Variants in RBL1 observed in about 807,000 individuals in gnomAD.
The protein encoded by RBL1 is retinoblastoma-like protein 1.
RBL1 carries 82 observed loss-of-function variants against 123.0 expected under a neutral mutation model. The ratio of observed to expected loss-of-function variants is 0.67; its 90% CI spans 0.56 to 0.80. The LOEUF (loss-of-function observed/expected upper bound fraction) is 0.80, where lower values mean the gene tolerates loss of function less well. RBL1 is among the 30% of genes least tolerant of loss of function. The pLI, the probability that RBL1 is intolerant of heterozygous loss-of-function variation, is 0.00. For missense variants in RBL1, 1,171 were observed against 1,299.6 expected, an observed-to-expected ratio of 0.90 and a Z score of 1.52; for synonymous variants, 405 against 441.3, an observed-to-expected ratio of 0.92 and a Z score of 1.03.
intron 9 of RBL1, among the ~76,000 whole-genome samples, chr20:37,060,312 G>A (rs1600552943): frequency 6.6e-6 from 1 of 151,924 alleles, no homozygotes; most frequent in East Asian, 1.9e-4. Flanking sequence ...TTATACAGGT[G>A]ATCTTTAGAA....
intron 12 of RBL1, among the ~76,000 whole-genome samples, chr20:37,046,665 T>C (rs1206781040): frequency 6.6e-6 from 1 of 151,576 alleles, no homozygotes; most frequent in Non-Finnish European, 1.5e-5. Context: ...TGGAGTGTAA[T>C]TGTATGATCT....
Position 37,018,208 on chromosome 20 carries a change from G to T in RBL1, c.2722+71C>A, listed in dbSNP as rs2064287241. 17 of 1,412,526 alleles carry T rather than the reference G, an allele frequency of 1.2e-5. No individual in the cohort carries two copies. In the South Asian group the frequency reaches 2.8e-4, roughly 23 times the overall value. 87.5% of individuals were successfully genotyped at this position (1,412,526 alleles called of 1,614,324 possible). A position where few individuals can be genotyped will look rare whatever the true frequency, so the allele number is the denominator to read the frequency against. Reference sequence around the variant, plus strand: ...TATGATTCACATTTCCATGTTGTCTGACACCCACTGTATTATGTACAGTGT... The same window carrying T: ...TATGATTCACATTTCCATGTTGTCTTACACCCACTGTATTATGTACAGTGT... On this transcript the variant is annotated intron_variant, in intron 19 of 21. Coordinates refer to ENST00000373664, the MANE Select transcript of RBL1 (RefSeq NM_002895.5).
Position 37,067,239 on chromosome 20 carries a change from T to G in RBL1, c.550A>C (p.Thr184Pro), listed in dbSNP as rs1219513623. ...ACTGAAAGTGTCATCTTACCCTTAGTATAAACAAAAAGTGTCCAACAGAAA... is the reference window on the plus strand; with the variant it reads ...ACTGAAAGTGTCATCTTACCCTTAGGATAAACAAAAAGTGTCCAACAGAAA... The part of the protein sequence containing the change: ...FNFCWTLFVY[T>P]KGNFRMIGDD... Residue 184 changes from threonine to proline, a missense_variant, in exon 4 of 22, where the codon ACT becomes CCT. Thr to Pro is a conservative substitution (Grantham distance 38). Transcript: ENST00000373664. 6.2e-7 allele frequency: 1 copy of G among 1,604,828 alleles called. No individual in the cohort carries two copies. Among genetic ancestry groups the G allele is most frequent in the Non-Finnish European group, 8.5e-7 (1 of 1,177,166 alleles).
chr20:37,062,384 A>G, intron 7 of RBL1, 114 bp from the exon 8 acceptor site: 1 of 1,444,150 alleles, frequency 6.9e-7, no homozygotes, highest in South Asian at 1.5e-5. Context: ...TCTAATTTTT[A>G]TTAACTCTGA....
intron 17 of RBL1, 30 bp downstream of exon 17, chr20:37,022,620 C>T (rs1186887923): frequency 6.3e-7 from 1 of 1,575,904 alleles, no homozygotes; most frequent in Non-Finnish European, 8.6e-7. Flanking sequence ...AGCCACCATG[C>T]CCAGCCTCTT....
intron 14 of RBL1, among the ~76,000 whole-genome samples, chr20:37,037,901 G>C (rs530292387): frequency 6.6e-6 from 1 of 151,588 alleles, no homozygotes; most frequent in East Asian, 1.9e-4. Flanking sequence ...TGCCCGGGCT[G>C]GTCTTGAACT....
chr20:37,059,857 CA>C (rs752212706), intron 9 of RBL1, among the ~76,000 whole-genome samples: 18,119 of 145,100 alleles, frequency 0.12, 1,128 homozygotes, highest in African/African-American at 0.15. Flanking sequence ...CCTTAAAAAA[CA>C]AAAAAAAAAA....
intron 2 of RBL1, among the ~76,000 whole-genome samples, chr20:37,074,810 G>A (rs547304217): frequency 2.0e-5 from 3 of 152,268 alleles, no homozygotes; most frequent in South Asian, 4.1e-4. Flanking sequence ...GGGTGACAGA[G>A]TGAGACTCTG....
intron 3 of RBL1, among the ~76,000 whole-genome samples, chr20:37,067,777 A>G (rs1457029281): frequency 6.6e-6 from 1 of 151,080 alleles, no homozygotes; most frequent in Admixed American, 6.6e-5. Flanking sequence ...AAAAAAAAAA[A>G]AAAAAAAAAA....
chr20:37,092,856 A>G (rs923366685), intron 1 of RBL1, among the ~76,000 whole-genome samples: 1 of 152,136 alleles, frequency 6.6e-6, no homozygotes, highest in Non-Finnish European at 1.5e-5. Context: ...ATACAATTCT[A>G]TTTGATAAAA....
At chr20:37,070,419 T>C (rs1800172971) in intron 2 of RBL1, among the ~76,000 whole-genome samples, 1 of 151,786 alleles carries the variant, frequency 6.6e-6, no homozygotes. Flanking sequence ...TATTGTCCTA[T>C]GACCCTGCCA....
rs1456005088 is a variant in RBL1, at chr20:37,078,353, T to A, written c.291-10167A>T. On this transcript the variant is annotated intron_variant, in intron 2 of 21. Coordinates refer to ENST00000373664, the MANE Select transcript of RBL1 (RefSeq NM_002895.5). ...CACTAGTTTTAATATCCATTGATGA[T>A]CTTTGACTGTATCAATTATTACTAT... 3.9e-5 allele frequency among the ~76,000 whole-genome samples: 6 copies of A among 152,372 alleles called. No individual in the cohort carries two copies. The East Asian group carries it at 5.8e-4, about 15-fold the overall frequency.
intron 7 of RBL1, 48 bp downstream of exon 7, chr20:37,065,376 A>C: frequency 7.3e-7 from 1 of 1,370,734 alleles, no homozygotes. Flanking sequence ...AAATCAACAA[A>C]TATGACAGCT....
At chr20:37,005,600 A>G (rs886194645) in intron 20 of RBL1, among the ~76,000 whole-genome samples, 12 of 152,178 alleles carry the variant, frequency 7.9e-5, no homozygotes, top group Admixed American at 7.9e-4. Context: ...AAGACTTCAT[A>G]TGGAAATGGA....
At chr20:37,065,083 C>T (rs2065157958) in intron 7 of RBL1, among the ~76,000 whole-genome samples, 1 of 151,996 alleles carries the variant, frequency 6.6e-6, no homozygotes, top group Non-Finnish European at 1.5e-5. Flanking sequence ...AGGCTCACAC[C>T]ACTACGTCTG....
intron 16 of RBL1, among the ~76,000 whole-genome samples, chr20:37,024,310 A>C (rs1173417788): frequency 6.6e-6 from 1 of 152,206 alleles, no homozygotes; most frequent in Non-Finnish European, 1.5e-5. Context: ...AGCCATGCTC[A>C]GTAAATAGTA....
At chr20:37,065,593 A>C in intron 6 of RBL1, 120 bp from the exon 7 acceptor site, 1 of 634,546 alleles carries the variant, frequency 1.6e-6, no homozygotes, top group East Asian at 2.9e-5. Flanking sequence ...GAATTATTAA[A>C]TATTTCTTTC....
intron 18 of RBL1, 133 bp from the exon 19 acceptor site, chr20:37,018,502 TGTTATTAGCTCTA>T (rs2146223159): frequency 8.1e-7 from 1 of 1,236,664 alleles, no homozygotes; most frequent in East Asian, 2.8e-5. Flanking sequence ...AAGGGTAAAA[TGTTATTAGCTCTA>T]GTAAGTATAG....
At chr20:37,060,722 G>A (rs940693464) in intron 9 of RBL1, among the ~76,000 whole-genome samples, 1 of 151,896 alleles carries the variant, frequency 6.6e-6, no homozygotes, top group Non-Finnish European at 1.5e-5. Context: ...GGTGGAGGCT[G>A]CAGTGAGCTG....
Sources: gnomAD v4.1 joint callset for allele counts (sites outside exome capture counted in the v4.1 genomes callset) on GRCh38, gnomAD v4.1.1 for gene constraint, MANE v1.5 for transcripts, NCBI Gene and HGNC (gene_info 2026-07-23, HGNC 2026-07-21) for gene names.